PLA2G4A: variants seen among roughly 807,000 people sequenced by gnomAD.
PLA2G4A encodes phospholipase A2 group IVA.
In PLA2G4A, 40 loss-of-function variants were observed where a neutral mutation model predicts 81.9. The observed-to-expected ratio is 0.49, with a 90% confidence interval of 0.38 to 0.64. The LOEUF (loss-of-function observed/expected upper bound fraction) is 0.64, where lower values mean the gene tolerates loss of function less well. PLA2G4A is among the 30% of genes least tolerant of loss of function. The pLI, the probability that PLA2G4A is intolerant of heterozygous loss-of-function variation, is 0.00. For synonymous variants in PLA2G4A, 302 were observed against 296.9 expected, an observed-to-expected ratio of 1.02 and a Z score of -0.18; for missense variants, 715 against 905.1, an observed-to-expected ratio of 0.79 and a Z score of 2.69.
intron 16 of PLA2G4A, 106 bp from the exon 17 acceptor site, chr1:186,979,209 G>T: frequency 1.2e-6 from 1 of 816,476 alleles, no homozygotes. Context: ...CTGGCTCTGT[G>T]GGGACTCCCA....
chr1:186,871,442 G>A (rs1177312015), intron 3 of PLA2G4A, among the ~76,000 whole-genome samples: 1 of 152,124 alleles, frequency 6.6e-6, no homozygotes, highest in Non-Finnish European at 1.5e-5. Context: ...TCTCAAAACA[G>A]GTTTTGGGAA....
intron 6 of PLA2G4A, among the ~76,000 whole-genome samples, chr1:186,907,660 T>G (rs1465013838): frequency 6.6e-6 from 1 of 152,256 alleles, no homozygotes; most frequent in Non-Finnish European, 1.5e-5. Flanking sequence ...ACCAAAGTTA[T>G]TAGTACATAT....
chr1:186,958,118 CCT>C (rs1179171935), intron 14 of PLA2G4A, among the ~76,000 whole-genome samples: 1 of 151,914 alleles, frequency 6.6e-6, no homozygotes, highest in African/African-American at 2.4e-5. Context: ...AAAAATGACC[CCT>C]GTTGTTTAAA....
chr1:186,929,814 C>T (rs993896763), intron 7 of PLA2G4A, among the ~76,000 whole-genome samples: 1 of 152,122 alleles, frequency 6.6e-6, no homozygotes, highest in Non-Finnish European at 1.5e-5. Context: ...ATAATCCCAG[C>T]AAGTTGGGAG....
intron 13 of PLA2G4A, among the ~76,000 whole-genome samples, chr1:186,952,582 T>C (rs1016099830): frequency 4.6e-5 from 7 of 152,148 alleles, no homozygotes; most frequent in Non-Finnish European, 1.0e-4. Flanking sequence ...TCAAAGTCCA[T>C]AGTTTACAGT....
chr1:186,906,740 T>TAAAATGACGTACTA (rs1654751134), intron 5 of PLA2G4A, among the ~76,000 whole-genome samples: 1 of 152,224 alleles, frequency 6.6e-6, no homozygotes, highest in East Asian at 1.9e-4. Flanking sequence ...TTGTGTTTGC[T>TAAAATGACGTACTA]AAAATGACGT....
At chr1:186,970,920 A>AT (rs199774058) in intron 15 of PLA2G4A, among the ~76,000 whole-genome samples, 40 of 148,108 alleles carry the variant, frequency 2.7e-4, no homozygotes, top group East Asian at 5.9e-4. Context: ...AAATTTTAGG[A>AT]TTTTTTTTTT....
intron 7 of PLA2G4A, among the ~76,000 whole-genome samples, chr1:186,927,074 A>G (rs937029854): frequency 1.6e-4 from 24 of 152,200 alleles, no homozygotes; most frequent in African/African-American, 5.1e-4. Flanking sequence ...GTAGATAGAA[A>G]TCTTTCTGAA....
intron 10 of PLA2G4A, among the ~76,000 whole-genome samples, chr1:186,942,434 C>T (rs1656187525): frequency 6.6e-6 from 1 of 152,108 alleles, no homozygotes; most frequent in Non-Finnish European, 1.5e-5. Context: ...AGCTGAATAC[C>T]TCAGGCTAGT....
At chr1:186,858,535 T>C (rs1652675985) in intron 2 of PLA2G4A, among the ~76,000 whole-genome samples, 1 of 152,174 alleles carries the variant, frequency 6.6e-6, no homozygotes, top group Non-Finnish European at 1.5e-5. Context: ...TGCCAAAATT[T>C]TCTCCCATTC....
intron 13 of PLA2G4A, among the ~76,000 whole-genome samples, chr1:186,953,483 C>A (rs1656636224): frequency 7.1e-5 from 1 of 14,006 alleles, no homozygotes; most frequent in Non-Finnish European, 1.1e-4. Context: ...TCAAATATGT[C>A]TGTTGCAAAT....
At chr1:186,895,156 A>G (rs1038640001) in intron 5 of PLA2G4A, among the ~76,000 whole-genome samples, 1 of 152,106 alleles carries the variant, frequency 6.6e-6, no homozygotes, top group African/African-American at 2.4e-5. Context: ...TCAATGTTTC[A>G]TTTTCCTCTT....
At chr1:186,965,381 A>T in intron 14 of PLA2G4A, 28 bp from the exon 15 acceptor site, 1 of 1,477,424 alleles carries the variant, frequency 6.8e-7, no homozygotes, top group Non-Finnish European at 9.5e-7. Flanking sequence ...CATTTAATTC[A>T]TTCTTGTTTT....
chr1:186,911,324 A>G lies in PLA2G4A; in HGVS notation c.493A>G (p.Ile165Val), dbSNP rs1646181907. ...TTTCAGACAACAGAGAAAAGAACACATAAGGGAGAGCATGAAGAAACTCTT... is the reference window on the plus strand; with the variant it reads ...TTTCAGACAACAGAGAAAAGAACACGTAAGGGAGAGCATGAAGAAACTCTT... Reference protein sequence around the residue: ...KTFRQQRKEHIRESMKKLLGP... With the variant: ...KTFRQQRKEHVRESMKKLLGP... Residue 165 changes from isoleucine (I) to valine (V), a missense_variant, in exon 7 of 18, where the codon ATA (isoleucine) becomes GTA (valine). Ile to Val is a conservative substitution (Grantham distance 29, BLOSUM62 3). Transcript: ENST00000367466. The G allele has an allele frequency of 3.1e-6, 5 of 1,609,164 alleles. No individual in the cohort carries two copies. The highest frequency in any genetic ancestry group is 3.3e-4 in the Middle Eastern group (2 of 6,070).
At position 186,965,452 on chromosome 1, in the gene PLA2G4A, A is replaced by C. The variant is rs1657096775; in HGVS notation, c.1623A>C (p.Lys541Asn). The part of the protein sequence containing the change: ...FERIYEPLDV[K>N]SKKIHVVDSG... ...GAATATATGAGCCTCTGGATGTCAA[A>C]AGTAAAAAGATTCATGTAGTGGACA... is the stretch of plus-strand genomic sequence containing the variant. The change falls in exon 15 of 18, where the codon AAA becomes AAC. Residue 541 changes from lysine (K) to asparagine (N), a missense_variant. Physicochemically the swap from Lys to Asn is moderately conservative, Grantham distance 94. Coordinates refer to ENST00000367466, the MANE Select transcript of PLA2G4A (RefSeq NM_024420.3). 1 of 1,612,172 alleles carries C rather than the reference A, an allele frequency of 6.2e-7. No homozygotes were observed. The highest frequency in any genetic ancestry group is 1.7e-4 in the Middle Eastern group (1 of 6,058).
intron 13 of PLA2G4A, among the ~76,000 whole-genome samples, chr1:186,952,358 A>T (rs1294380165): frequency 6.6e-6 from 1 of 152,162 alleles, no homozygotes; most frequent in Non-Finnish European, 1.5e-5. Flanking sequence ...TATGTGGTTA[A>T]GGTTTTCTTT....
intron 1 of PLA2G4A, among the ~76,000 whole-genome samples, chr1:186,830,333 C>A (rs959705677): frequency 6.6e-6 from 1 of 151,980 alleles, no homozygotes; most frequent in Non-Finnish European, 1.5e-5. Context: ...TCTGGCTGGG[C>A]GCAGTGGCTC....
At chr1:186,843,261 T>C (rs964496777) in intron 1 of PLA2G4A, among the ~76,000 whole-genome samples, 3 of 152,242 alleles carry the variant, frequency 2.0e-5, no homozygotes, top group South Asian at 2.1e-4. Flanking sequence ...TTAACAAGTG[T>C]GGATTTTCAA....
chr1:186,911,991 G>A (rs1013531701), intron 7 of PLA2G4A, among the ~76,000 whole-genome samples: 2 of 152,114 alleles, frequency 1.3e-5, no homozygotes, highest in Non-Finnish European at 2.9e-5. Flanking sequence ...CTAAAGGCAG[G>A]AGAAAAGGGA....
Sources: gnomAD v4.1 joint callset for allele counts (sites outside exome capture counted in the v4.1 genomes callset) on GRCh38, gnomAD v4.1.1 for gene constraint, MANE v1.5 for transcripts, NCBI Gene and HGNC (gene_info 2026-07-23, HGNC 2026-07-21) for gene names.